Variants in DCHS2 observed in about 807,000 individuals in gnomAD.
DCHS2 encodes dachsous cadherin-related 2.
DCHS2 carries 142 observed loss-of-function variants against 182.4 expected under a neutral mutation model. The observed-to-expected ratio is 0.78, with a 90% CI of 0.68 to 0.89. The LOEUF is 0.89. Among genes scored for constraint, DCHS2 ranks in the 40% least tolerant of loss-of-function variants. The probability of loss-of-function intolerance (pLI) is 0.00; values close to 1 mark genes in which losing one functional copy is unlikely to be tolerated. For missense variants in DCHS2, 4,319 were observed against 4,198.6 expected, an observed-to-expected ratio of 1.03 and a Z score of -0.79; for synonymous variants, 1,740 against 1,663.3, an observed-to-expected ratio of 1.05 and a Z score of -1.12.
intron 13 of DCHS2, among the ~76,000 whole-genome samples, chr4:154,281,229 A>G (rs1018201013): frequency 4.6e-5 from 7 of 152,164 alleles, no homozygotes; most frequent in African/African-American, 1.7e-4. Flanking sequence ...CATGCAAACT[A>G]AAAAGAAAAA....
chr4:154,243,251 A>G (rs144932415), intron 16 of DCHS2, among the ~76,000 whole-genome samples: 111 of 152,330 alleles, frequency 7.3e-4, no homozygotes, highest in Non-Finnish European at 1.2e-3. Flanking sequence ...TAGCAAATCA[A>G]TCGAAATGCT....
In DCHS2 at chr4:154,232,831, T is replaced by C. The variant is rs1560966505; in HGVS notation, c.*1705A>G. The C allele has an allele frequency of 6.6e-6, 1 of 152,084 alleles. No individual in the cohort carries two copies. The highest frequency in any genetic ancestry group is 1.5e-5 in the Non-Finnish European group (1 of 67,990). The allele number at this position is 152,084 out of a possible 1,614,324, so 9.4% of individuals were successfully genotyped here. On this transcript the variant is annotated 3_prime_UTR_variant, in exon 20 of 20. Transcript: ENST00000357232. ...GTCCCATAGTATTTAAATTTTCTACTCCTAAAGGATTTTTCCTAGGATTTC... is the reference window on the plus strand; with the variant it reads ...GTCCCATAGTATTTAAATTTTCTACCCCTAAAGGATTTTTCCTAGGATTTC...
In DCHS2 at chr4:154,236,812, C is replaced by A; in HGVS notation, c.7840G>T (p.Val2614Phe). 1.2e-6 allele frequency: 2 copies of A among 1,614,036 alleles called. No homozygotes were observed. Among genetic ancestry groups the A allele is most frequent in the Non-Finnish European group, 1.7e-6 (2 of 1,179,970 alleles). The change falls in exon 20 of 20, where the codon GTC becomes TTC. Residue 2614 changes from valine to phenylalanine, a missense_variant. By Grantham distance (50) the Val-to-Phe change is conservative. Transcript: ENST00000357232. The part of the protein sequence containing the change: ...FFHSEYPYKQ[V>F]GYLVLLHSLD... The stretch of plus-strand genomic sequence containing the variant: ...CTGTGAAGCAACACAAGATAACCGA[C>A]TTGCTTATAAGGATATTCTGAATGA...
chr4:154,319,636 C>G (rs1602307), intron 9 of DCHS2, among the ~76,000 whole-genome samples: 38,838 of 139,842 alleles, frequency 0.28, 6,117 homozygotes, highest in South Asian at 0.38. Flanking sequence ...ATTGCTTATA[C>G]CTGTTAGGAT....
chr4:154,316,019 A>G (rs1232946703), intron 9 of DCHS2, 32 bp from the exon 10 acceptor site: 1 of 1,610,896 alleles, frequency 6.2e-7, no homozygotes, highest in Non-Finnish European at 8.5e-7. Context: ...AGCAACATGT[A>G]ATGAATATTC....
chr4:154,252,246 A>C (rs1372470092), intron 16 of DCHS2, among the ~76,000 whole-genome samples: 1 of 152,184 alleles, frequency 6.6e-6, no homozygotes, highest in Non-Finnish European at 1.5e-5. Flanking sequence ...ACAGGCATGC[A>C]ATGTGTATCA....
At chr4:154,482,007 A>G (rs1735939619) in intron 1 of DCHS2, among the ~76,000 whole-genome samples, 1 of 152,216 alleles carries the variant, frequency 6.6e-6, no homozygotes, top group African/African-American at 2.4e-5. Context: ...AAAGTGATAA[A>G]GCCTGAAATG....
intron 9 of DCHS2, among the ~76,000 whole-genome samples, chr4:154,319,244 T>C (rs1214105030): frequency 6.6e-6 from 1 of 152,114 alleles, no homozygotes; most frequent in East Asian, 1.9e-4. Context: ...ATAAAGGTCC[T>C]ACAAGGAAAC....
chr4:154,299,086 G>A (rs752642150), intron 12 of DCHS2, among the ~76,000 whole-genome samples: 1 of 152,028 alleles, frequency 6.6e-6, no homozygotes, highest in Non-Finnish European at 1.5e-5. Context: ...AACAATAGAT[G>A]AGGATAAAAA....
chr4:154,268,321 T>C (rs1733402380), intron 14 of DCHS2, among the ~76,000 whole-genome samples: 1 of 151,852 alleles, frequency 6.6e-6, no homozygotes, highest in Non-Finnish European at 1.5e-5. Context: ...TTTGGGGCCA[T>C]TATTAAGTTA....
At chr4:154,429,926 A>G (rs1579075394) in intron 1 of DCHS2, among the ~76,000 whole-genome samples, 1 of 152,254 alleles carries the variant, frequency 6.6e-6, no homozygotes, top group Non-Finnish European at 1.5e-5. Flanking sequence ...TCTGCAAAAT[A>G]TGGGTCATAA....
At chr4:154,477,686 A>T (rs991254171) in intron 1 of DCHS2, among the ~76,000 whole-genome samples, 1 of 152,370 alleles carries the variant, frequency 6.6e-6, no homozygotes. Context: ...TCAGTGAGAG[A>T]TAATTGTGAG....
Position 154,322,410 on chromosome 4 carries a change from C to T in DCHS2, c.4097G>A (p.Arg1366Lys). 1 of 1,613,736 alleles carries T rather than the reference C, an allele frequency of 6.2e-7. No homozygotes were observed. The highest frequency in any genetic ancestry group is 8.5e-7 in the Non-Finnish European group (1 of 1,179,824). The change falls in exon 8 of 20, where the codon AGA (arginine) becomes AAA (lysine). Residue 1366 changes from arginine (R) to lysine (K), a missense_variant. Transcript: ENST00000357232. The stretch of plus-strand genomic sequence containing the variant: ...AATGACACTCATTCTGTAGGAAGGT[C>T]TATAATCATACGAAAGTATTGTGGT... ...RTTTILSYDY[R>K]PSYRMSVIAT... is the part of the protein sequence containing the mutation.
rs1239008504 is a variant in DCHS2 at position 154,391,417 on chromosome 4, A to T, written c.2053-13973T>A. ...CCATGACTTTCCACTTGCAGCATAAAGAAAGCGTTCAAAACTAAAAATAGG... is the reference window on the plus strand; with the variant it reads ...CCATGACTTTCCACTTGCAGCATAATGAAAGCGTTCAAAACTAAAAATAGG... On this transcript the variant is annotated intron_variant, in intron 1 of 19. Coordinates refer to ENST00000357232, the MANE Select transcript of DCHS2 (RefSeq NM_001358235.2). The T allele has an allele frequency of 3.6e-6, 5 of 1,386,616 alleles. No individual in the cohort carries two copies. In the African/African-American group the frequency reaches 7.3e-5, roughly 20 times the overall value. The allele number at this position is 1,386,616 out of a possible 1,614,324, so 85.9% of individuals were successfully genotyped here. A position where few individuals can be genotyped will look rare whatever the true frequency, so the allele number is the denominator to read the frequency against.
chr4:154,312,912 T>C (rs1434260404), intron 10 of DCHS2, among the ~76,000 whole-genome samples: 1 of 152,204 alleles, frequency 6.6e-6, no homozygotes, highest in Non-Finnish European at 1.5e-5. Context: ...TTACAATTAA[T>C]GGTGTCTTAG....
intron 10 of DCHS2, among the ~76,000 whole-genome samples, chr4:154,312,543 C>T (rs1021230863): frequency 2.0e-5 from 3 of 151,946 alleles, no homozygotes; most frequent in Admixed American, 6.6e-5. Context: ...AGCGAGATTC[C>T]GTCTGTATAA....
chr4:154,486,767 A>G (rs1579128582), intron 1 of DCHS2, among the ~76,000 whole-genome samples: 2 of 152,206 alleles, frequency 1.3e-5, no homozygotes, highest in African/African-American at 4.8e-5. Context: ...GGAACACAGA[A>G]AGTTCACATA....
intron 13 of DCHS2, among the ~76,000 whole-genome samples, chr4:154,283,807 C>T (rs1258101895): frequency 6.6e-6 from 1 of 152,074 alleles, no homozygotes; most frequent in Non-Finnish European, 1.5e-5. Flanking sequence ...GCCAATTTTC[C>T]CTCACTTCCC....
At chr4:154,392,431 A>T (rs56291303) in intron 1 of DCHS2, among the ~76,000 whole-genome samples, 2,458 of 152,268 alleles carry the variant, frequency 0.016, 32 homozygotes, top group Non-Finnish European at 0.025. Flanking sequence ...GTTTTAAAAA[A>T]ATATATAATG....
Sources: allele counts gnomAD v4.1 joint callset (sites outside exome capture counted in the v4.1 genomes callset), GRCh38; gene constraint gnomAD v4.1.1; transcripts MANE v1.5; gene names NCBI Gene and HGNC (gene_info 2026-07-23, HGNC 2026-07-21).